EGR2: variants seen among roughly 807,000 people sequenced by gnomAD.
The protein encoded by EGR2 is early growth response 2, also known as E3 SUMO-protein ligase EGR2.
EGR2 carries 2 observed loss-of-function variants against 21.2 expected under a neutral mutation model. The observed-to-expected ratio is 0.09, with a 90% confidence interval of 0.04 to 0.30. EGR2 has a LOEUF of 0.30. EGR2 is among the 10% of genes least tolerant of loss of function. The probability of loss-of-function intolerance (pLI) is 1.00; values close to 1 mark genes in which losing one functional copy is unlikely to be tolerated. For synonymous variants in EGR2, 282 were observed against 258.2 expected, an observed-to-expected ratio of 1.09 and a Z score of -0.88; for missense variants, 458 against 630.2, an observed-to-expected ratio of 0.73 and a Z score of 2.93.
rs543533673 is a variant in EGR2, at chr10:62,813,759, C to G, written c.879G>C (p.Arg293=). The G allele has an allele frequency of 6.2e-7, 1 of 1,612,166 alleles. No individual in the cohort carries two copies. Among genetic ancestry groups the G allele is most frequent in the East Asian group, 2.2e-5 (1 of 44,840 alleles). ...CTGCTGCTGAGCTGCTACCAGGCAG[C>G]CGGGGTCCCTCGCTGCCTCCACTGG... ...PGASGGSEGP[R]LPGSSSAAAA... The change falls in exon 2 of 2, where the codon CGG becomes CGC. Residue 293 remains arginine, a synonymous_variant. Transcript: ENST00000242480. The surrounding 1 kb of genome is among the most constrained non-coding windows in gnomAD (Gnocchi z 5.7).
chr10:62,812,957 C>T lies in EGR2; in HGVS notation c.*250G>A. 1 of 409,580 alleles carries T rather than the reference C, an allele frequency of 2.4e-6. No individual in the cohort carries two copies. Among genetic ancestry groups the T allele is most frequent in the Non-Finnish European group, 4.3e-6 (1 of 233,248 alleles). The allele number at this position is 409,580 out of a possible 1,614,324, so 25.4% of individuals were successfully genotyped here. ...CAGCCCTCTTGGCCAGGGGTCCCCACACCACCTCCTTCTGAGCCTCCCCTT... is the reference window on the plus strand; with the variant it reads ...CAGCCCTCTTGGCCAGGGGTCCCCATACCACCTCCTTCTGAGCCTCCCCTT... On this transcript the variant is annotated 3_prime_UTR_variant, in exon 2 of 2. Coordinates refer to ENST00000242480, the MANE Select transcript of EGR2 (RefSeq NM_000399.5).
chr10:62,816,159 C>A lies in EGR2; in HGVS notation c.-130G>T. On this transcript the variant is annotated 5_prime_UTR_variant, in exon 1 of 2. Coordinates refer to ENST00000242480, the MANE Select transcript of EGR2 (RefSeq NM_000399.5). ...GCCCTCCACACTTAAAAACAACCAC[C>A]ACACACACCAAGAAAAAAAAATCAA... 1 of 1,571,584 alleles carries A rather than the reference C, an allele frequency of 6.4e-7. No homozygotes were observed. Among genetic ancestry groups the A allele is most frequent in the Non-Finnish European group, 8.6e-7 (1 of 1,159,516 alleles).
chr10:62,816,199 G>GCA lies in EGR2; in HGVS notation c.-172_-171dup. The GCA allele has an allele frequency of 6.6e-7, 1 of 1,508,346 alleles. No individual in the cohort carries two copies. Among genetic ancestry groups the GCA allele is most frequent in the Non-Finnish European group, 8.8e-7 (1 of 1,131,172 alleles). 93.4% of individuals were successfully genotyped at this position (1,508,346 alleles called of 1,614,324 possible). ...AAAAAAATCAACAGAAATAAAAGTA[G>GCA]CAAACAAGTTGCTGTTTTTTAAGAA... On this transcript the variant is annotated 5_prime_UTR_variant, in exon 1 of 2. Coordinates refer to ENST00000242480, the MANE Select transcript of EGR2 (RefSeq NM_000399.5).
At chr10:62,818,484 A>G (rs1838307171), upstream of EGR2, 7 of 1,053,064 alleles carry the variant, frequency 6.6e-6, no homozygotes, top group Non-Finnish European at 8.6e-6. Context: ...GCAAAGTCCT[A>G]TTTCTCAAGA....
In EGR2 at chr10:62,812,247, A is replaced by G. The variant is rs1842124291; in HGVS notation, c.*960T>C. On this transcript the variant is annotated 3_prime_UTR_variant, in exon 2 of 2. Coordinates refer to ENST00000242480, the MANE Select transcript of EGR2 (RefSeq NM_000399.5). ...AAAATTCCAAATATTAATAGGCAGA[A>G]ATATACAGCCATACTAAACTCAGGG... 1 of 146,794 alleles carries G rather than the reference A, an allele frequency of 6.8e-6. No homozygotes were observed. The allele number at this position is 146,794 out of a possible 1,614,324, so 9.1% of individuals were successfully genotyped here.
upstream of EGR2, among the ~76,000 whole-genome samples, chr10:62,817,172 C>A (rs1411329271): frequency 2.0e-5 from 3 of 152,184 alleles, no homozygotes; most frequent in African/African-American, 7.2e-5. The surrounding 1 kb of genome is among the most constrained non-coding windows in gnomAD (Gnocchi z 4.4). Flanking sequence ...TTCCTCTGCC[C>A]GCGCGCTCCC....
Position 62,813,713 on chromosome 10 carries a change from C to T in EGR2, c.925G>A (p.Ala309Thr). The change falls in exon 2 of 2, where the codon GCC becomes ACC. Residue 309 changes from alanine (A) to threonine (T), a missense_variant. Physicochemically the swap from Ala to Thr is moderately conservative, Grantham distance 58. Transcript: ENST00000242480. The surrounding 1 kb of genome is among the most constrained non-coding windows in gnomAD (Gnocchi z 5.7). The part of the protein sequence containing the change: ...SAAAAAAAAA[A>T]YNPHHLPLRP... ...AGTGGCAGGTGGTGTGGGTTATAGG[C>T]GGCGGCGGCGGCGGCTGCTGCTGCT... 6.2e-7 allele frequency: 1 copy of T among 1,607,790 alleles called. No individual in the cohort carries two copies. Among genetic ancestry groups the T allele is most frequent in the South Asian group, 1.1e-5 (1 of 90,994 alleles).
At chr10:62,817,952 C>T (rs911982360), upstream of EGR2, among the ~76,000 whole-genome samples, 2 of 152,010 alleles carry the variant, frequency 1.3e-5, no homozygotes, top group Non-Finnish European at 2.9e-5. The surrounding 1 kb of genome is among the most constrained non-coding windows in gnomAD (Gnocchi z 4.4). Context: ...CATTCATGGT[C>T]GTTTGTGCAG....
In EGR2 at chr10:62,815,922, C is replaced by T. The variant is rs746579337; in HGVS notation, c.108G>A (p.Val36=). The change falls in exon 1 of 2, where the codon GTG becomes GTA. Residue 36 remains valine (V), a synonymous_variant. Transcript: ENST00000242480. ...CCAGTTCGGCATTGGGAAAGATGGT[C>T]ACCGACGTGGCGGCGAGGTCCTCCA... is the stretch of plus-strand genomic sequence containing the variant. ...YPVEDLAATS[V]TIFPNAELGG... 1.8e-5 allele frequency: 29 copies of T among 1,614,106 alleles called. No homozygotes were observed. The highest frequency in any genetic ancestry group is 2.4e-5 in the Non-Finnish European group (28 of 1,180,016).
In EGR2 at chr10:62,813,477, G is replaced by C. The variant is rs1842167031; in HGVS notation, c.1161C>G (p.Thr387=). The C allele has an allele frequency of 2.5e-6, 4 of 1,614,074 alleles. No homozygotes were observed. Among genetic ancestry groups the C allele is most frequent in the African/African-American group, 2.7e-5 (2 of 74,954 alleles). The change falls in exon 2 of 2, where the codon ACC becomes ACG. Residue 387 remains threonine (T), a synonymous_variant. Coordinates refer to ENST00000242480, the MANE Select transcript of EGR2 (RefSeq NM_000399.5). This position sits in a 1 kb window ranked among gnomAD's most constrained non-coding sequence, Gnocchi z 5.7. ...TCTCACCGGTGTGGGTGCGGATATGGGTGGTGAGGTGGTCACTGCGGCTGA... is the reference window on the plus strand; with the variant it reads ...TCTCACCGGTGTGGGTGCGGATATGCGTGGTGAGGTGGTCACTGCGGCTGA... ...RNFSRSDHLT[T]HIRTHTGEKP...
chr10:62,816,431 T>A (rs1045571520), upstream of EGR2: 23 of 1,129,124 alleles, frequency 2.0e-5, no homozygotes, highest in Non-Finnish European at 2.6e-5. Flanking sequence ...TCGCTGCCCA[T>A]ATATGGACTG....
rs1254337902 is a variant in EGR2, at chr10:62,813,174, T to C, written c.*33A>G. ...CAGTGGACAAAGGGCCTCCGGGACC[T>C]TTGGGAGCTGGTGTATCAGCCTGAG... is the stretch of plus-strand genomic sequence containing the variant. On this transcript the variant is annotated 3_prime_UTR_variant, in exon 2 of 2. Coordinates refer to ENST00000242480, the MANE Select transcript of EGR2 (RefSeq NM_000399.5). The surrounding 1 kb of genome is among the most constrained non-coding windows in gnomAD (Gnocchi z 5.7). 1 of 1,532,984 alleles carries C rather than the reference T, an allele frequency of 6.5e-7. No individual in the cohort carries two copies. The highest frequency in any genetic ancestry group is 2.3e-5 in the East Asian group (1 of 44,392). 95.0% of individuals were successfully genotyped at this position (1,532,984 alleles called of 1,614,324 possible). A position where few individuals can be genotyped will look rare whatever the true frequency, so the allele number is the denominator to read the frequency against.
chr10:62,816,308 A>C lies in EGR2; in HGVS notation c.-279T>G, dbSNP rs557383744. ...AGCCAGGAGTTGCTGGTGTAGTGTT[A>C]TTATAACAGTCAGTGAGTCCCCTCG... On this transcript the variant is annotated 5_prime_UTR_variant, in exon 1 of 2. Coordinates refer to ENST00000242480, the MANE Select transcript of EGR2 (RefSeq NM_000399.5). 38 of 1,317,162 alleles carry C rather than the reference A, an allele frequency of 2.9e-5. No homozygotes were observed. The African/African-American group carries it at 5.1e-4, about 18-fold the overall frequency. 81.6% of individuals were successfully genotyped at this position (1,317,162 alleles called of 1,614,324 possible). A position where few individuals can be genotyped will look rare whatever the true frequency, so the allele number is the denominator to read the frequency against.
rs1209291601 is a variant in EGR2, at chr10:62,814,659, C to A, written c.170-191G>T. Reference sequence around the variant, plus strand: ...AGAGGCCAGCCCAACTGTGGCAACCCATTGACAGTATGGAACTCAAGAACT... The same window carrying A: ...AGAGGCCAGCCCAACTGTGGCAACCAATTGACAGTATGGAACTCAAGAACT... On this transcript the variant is annotated intron_variant, in intron 1 of 1. Coordinates refer to ENST00000242480, the MANE Select transcript of EGR2 (RefSeq NM_000399.5). The surrounding 1 kb of genome is among the most constrained non-coding windows in gnomAD (Gnocchi z 4.8). Among the ~76,000 whole-genome samples, 3 of 152,146 alleles carry A rather than the reference C, an allele frequency of 2.0e-5. No individual in the cohort carries two copies. Among genetic ancestry groups the A allele is most frequent in the Admixed American group, 1.3e-4 (2 of 15,282 alleles).
rs1842159708 is a variant in EGR2 at position 62,813,320 on chromosome 10, T to C, written c.1318A>G (p.Thr440Ala). ...APSASVPAPS[T>A]ASCSGGVQPG... ...TGCACGCCCCCAGAGCAGGAGGCTG[T>C]AGAGGGGGCTGGCACCGATGCAGAG... The change falls in exon 2 of 2, where the codon ACA becomes GCA. Residue 440 changes from threonine to alanine, a missense_variant. This residue lies in a region of EGR2 where 69 missense variants were observed against 70.4 expected (regional missense o/e 0.98). Coordinates refer to ENST00000242480, the MANE Select transcript of EGR2 (RefSeq NM_000399.5). This position sits in a 1 kb window ranked among gnomAD's most constrained non-coding sequence, Gnocchi z 5.7. 1 of 1,584,476 alleles carries C rather than the reference T, an allele frequency of 6.3e-7. No individual in the cohort carries two copies. Among genetic ancestry groups the C allele is most frequent in the Non-Finnish European group, 8.6e-7 (1 of 1,162,518 alleles).
rs761250551 is a variant in EGR2, at chr10:62,813,948, A to G, written c.690T>C (p.Phe230=). 1.2e-6 allele frequency: 2 copies of G among 1,614,172 alleles called. No individual in the cohort carries two copies. The highest frequency in any genetic ancestry group is 1.1e-5 in the South Asian group (1 of 91,078). ...GTAGGTCTCTCTGGCACTGAGATGG[A>G]AAGAATCCAGGATAGTCTGGGATCA... is the stretch of plus-strand genomic sequence containing the variant. ...FPMIPDYPGF[F]PSQCQRDLHG... The change falls in exon 2 of 2, where the codon TTT becomes TTC. Residue 230 remains phenylalanine (F), a synonymous_variant. Coordinates refer to ENST00000242480, the MANE Select transcript of EGR2 (RefSeq NM_000399.5). This position sits in a 1 kb window ranked among gnomAD's most constrained non-coding sequence, Gnocchi z 5.7.
intron 1 of EGR2, among the ~76,000 whole-genome samples, chr10:62,815,513 C>T (rs1842242203): frequency 6.6e-6 from 1 of 152,208 alleles, no homozygotes; most frequent in Admixed American, 6.5e-5. Context: ...CGTCACTTTG[C>T]CCCTGCCCCG....
rs1197899388 is a variant in EGR2, at chr10:62,813,462, G to A, written c.1176C>T (p.His392=). ...CACAGGCGAAGGGCTTCTCACCGGT[G>A]TGGGTGCGGATATGGGTGGTGAGGT... The part of the protein sequence containing the change: ...SDHLTTHIRT[H]TGEKPFACDY... Residue 392 remains histidine (H), a synonymous_variant, in exon 2 of 2, where the codon CAC becomes CAT. Transcript: ENST00000242480. The surrounding 1 kb of genome is among the most constrained non-coding windows in gnomAD (Gnocchi z 5.7). 5.0e-6 allele frequency: 8 copies of A among 1,614,222 alleles called. No homozygotes were observed. The highest frequency in any genetic ancestry group is 1.1e-5 in the South Asian group (1 of 91,084).
At chr10:62,818,206 G>C (rs1054895483), upstream of EGR2, among the ~76,000 whole-genome samples, 2 of 151,832 alleles carry the variant, frequency 1.3e-5, no homozygotes, top group Admixed American at 6.5e-5. Flanking sequence ...AGCTCTCGCC[G>C]GGCCCAGCGC....
Sources: gnomAD v4.1 joint callset for allele counts (sites outside exome capture counted in the v4.1 genomes callset) on GRCh38, gnomAD v4.1.1 for gene constraint, gnomAD v4.1.1 regional missense constraint, Gnocchi (gnomAD v3.1) non-coding constraint, MANE v1.5 for transcripts, NCBI Gene and HGNC (gene_info 2026-07-23, HGNC 2026-07-21) for gene names.